The following RICTOR variants were observed in gnomAD, a reference collection of about 807,000 sequenced individuals.
The protein encoded by RICTOR is rapamycin-insensitive companion of mTOR.
A neutral mutation model predicts 214.9 loss-of-function variants in RICTOR; 49 were observed. The ratio of observed to expected loss-of-function variants is 0.23; its 90% CI spans 0.18 to 0.29. The LOEUF is 0.29. Ranked by LOEUF, RICTOR falls within the 10% of genes least tolerant of loss-of-function variation. The pLI, the probability that RICTOR is intolerant of heterozygous loss-of-function variation, is 1.00. For missense variants in RICTOR, 1,625 were observed against 2,047.0 expected (o/e 0.79, Z 3.98); for synonymous variants, 717 against 711.3 (o/e 1.01, Z -0.13).
intron 2 of RICTOR, among the ~76,000 whole-genome samples, chr5:39,024,920 GGT>G (rs1212816583): frequency 6.6e-6 from 1 of 152,052 alleles, no homozygotes; most frequent in Non-Finnish European, 1.5e-5. Flanking sequence ...ATTATGATCA[GGT>G]ACTGTTTTAA....
At chr5:39,048,161 A>G (rs1357924377) in intron 2 of RICTOR, among the ~76,000 whole-genome samples, 1 of 152,238 alleles carries the variant, frequency 6.6e-6, no homozygotes, top group Non-Finnish European at 1.5e-5. Context: ...TGAGCATGTC[A>G]TAAGTGCAAA....
At chr5:39,043,883 C>G (rs1254838871) in intron 2 of RICTOR, among the ~76,000 whole-genome samples, 1 of 152,200 alleles carries the variant, frequency 6.6e-6, no homozygotes, top group African/African-American at 2.4e-5. Context: ...CACCCTGGGA[C>G]TCTTCAATGA....
intron 14 of RICTOR, 199 bp downstream of exon 14, chr5:38,966,962 G>A (rs1236898308): frequency 3.2e-6 from 2 of 629,194 alleles, no homozygotes; most frequent in Non-Finnish European, 5.7e-6. Flanking sequence ...CATCATGCAT[G>A]GCTAATTTTT....
rs540099146 is a variant in RICTOR, at chr5:38,988,804, A to G, written c.583+2145T>C. On this transcript the variant is annotated intron_variant, in intron 7 of 37. Transcript: ENST00000357387. ...TAAAACACCTAGGAATCCAACTTAC[A>G]AGGGATGTGAAGGACCTCTTCAAGG... 3.3e-5 allele frequency among the ~76,000 whole-genome samples: 5 copies of G among 152,282 alleles called. No homozygotes were observed. The South Asian group carries it at 1.0e-3, about 32-fold the overall frequency.
chr5:38,960,310 A>G (rs1229128607), intron 20 of RICTOR, 88 bp downstream of exon 20: 3 of 1,316,144 alleles, frequency 2.3e-6, no homozygotes, highest in Non-Finnish European at 2.1e-6. Context: ...CAGAAATAAA[A>G]GCAAAACACA....
chr5:39,007,179 A>T (rs1181939037), intron 3 of RICTOR, among the ~76,000 whole-genome samples: 1 of 152,196 alleles, frequency 6.6e-6, no homozygotes, highest in African/African-American at 2.4e-5. Flanking sequence ...GGGCTACTAT[A>T]ACATATGTCA....
At chr5:38,992,428 T>C (rs1441204370) in intron 6 of RICTOR, among the ~76,000 whole-genome samples, 1 of 152,132 alleles carries the variant, frequency 6.6e-6, no homozygotes, top group Non-Finnish European at 1.5e-5. Flanking sequence ...GCATGTAATA[T>C]ATTCTGTAAA....
chr5:38,954,723 G>T lies in RICTOR; in HGVS notation c.2697+51C>A, dbSNP rs760283543. ...AATATTTTAGCAATGTTAAGATTTTGTTTTTTTTTTACTATTGTAGCTACT... is the reference window on the plus strand; with the variant it reads ...AATATTTTAGCAATGTTAAGATTTTTTTTTTTTTTTACTATTGTAGCTACT... On this transcript the variant is annotated intron_variant, in intron 27 of 37. Coordinates refer to ENST00000357387, the MANE Select transcript of RICTOR (RefSeq NM_152756.5). The T allele has an allele frequency of 7.8e-4, 764 of 983,464 alleles. 1 individual carries two copies. In the Middle Eastern group the frequency reaches 0.013, roughly 16 times the overall value. 60.9% of individuals were successfully genotyped at this position (983,464 alleles called of 1,614,324 possible).
At chr5:38,982,269 T>C (rs1338740774) in intron 7 of RICTOR, among the ~76,000 whole-genome samples, 1 of 152,200 alleles carries the variant, frequency 6.6e-6, no homozygotes, top group East Asian at 1.9e-4. Context: ...TTTGTCCATA[T>C]AATAACGGAA....
chr5:39,013,673 T>C (rs576208254), intron 3 of RICTOR, among the ~76,000 whole-genome samples: 4 of 152,116 alleles, frequency 2.6e-5, no homozygotes, highest in East Asian at 3.9e-4. Context: ...TAGAATTCCA[T>C]GGCACAGTCT....
intron 23 of RICTOR, 30 bp downstream of exon 23, chr5:38,958,637 A>C: frequency 4.5e-6 from 7 of 1,539,244 alleles, no homozygotes; most frequent in Non-Finnish European, 6.2e-6. Flanking sequence ...AAAAAATTTA[A>C]GTATTAAATT....
intron 2 of RICTOR, 104 bp downstream of exon 2, chr5:39,074,007 C>T: frequency 2.6e-6 from 2 of 779,568 alleles, no homozygotes; most frequent in Non-Finnish European, 3.4e-6. Context: ...CCCCCGCACC[C>T]CGCCGGTCCC....
At chr5:39,007,939 A>G (rs1754205265) in intron 3 of RICTOR, among the ~76,000 whole-genome samples, 1 of 151,162 alleles carries the variant, frequency 6.6e-6, no homozygotes, top group Admixed American at 6.6e-5. Context: ...AAAATGCACT[A>G]GGATCAAGAT....
intron 2 of RICTOR, among the ~76,000 whole-genome samples, chr5:39,056,607 A>G (rs527793029): frequency 1.3e-5 from 2 of 152,178 alleles, no homozygotes; most frequent in South Asian, 2.1e-4. Context: ...ACTGCCCTCC[A>G]GCCTGGATGA....
At chr5:39,002,230 AAG>A (rs1753693791) in intron 5 of RICTOR, among the ~76,000 whole-genome samples, 1 of 151,950 alleles carries the variant, frequency 6.6e-6, no homozygotes, top group Admixed American at 6.6e-5. Flanking sequence ...GAGAAGAAGA[AAG>A]AGTAATTACT....
rs752068658 is a variant in RICTOR, at chr5:38,981,944, C to A, written c.676G>T (p.Ala226Ser). 1.2e-6 allele frequency: 2 copies of A among 1,612,628 alleles called. No homozygotes were observed. Among genetic ancestry groups the A allele is most frequent in the African/African-American group, 2.7e-5 (2 of 74,890 alleles). ...IDCQLSRINE[A>S]LITTILHLLN... Reference sequence around the variant, plus strand: ...AGGTGCAAAATTGTAGTAATTAGGGCCTCATTTATTCGACTTAATTGGCAA... The same window carrying A: ...AGGTGCAAAATTGTAGTAATTAGGGACTCATTTATTCGACTTAATTGGCAA... The change falls in exon 8 of 38, where the codon GCC becomes TCC. Residue 226 changes from alanine to serine, a missense_variant. By Grantham distance (99) the Ala-to-Ser change is moderately conservative (BLOSUM62 1). Around this residue, in one of 5 missense-constraint regions of RICTOR, gnomAD observed 258 missense variants for 393.7 expected, o/e 0.66. Coordinates refer to ENST00000357387, the MANE Select transcript of RICTOR (RefSeq NM_152756.5).
At chr5:38,944,170 G>A (rs1320769069) in intron 36 of RICTOR, 6 of 514,836 alleles carry the variant, frequency 1.2e-5, no homozygotes, top group Non-Finnish European at 2.2e-5. Flanking sequence ...AAAAAAGTGA[G>A]AAGAGTGGCA....
intron 2 of RICTOR, among the ~76,000 whole-genome samples, chr5:39,026,218 CTGTA>C (rs1381292292): frequency 6.6e-6 from 1 of 152,178 alleles, no homozygotes; most frequent in East Asian, 1.9e-4. Context: ...TTGCTCACAC[CTGTA>C]GTCCCATCTA....
Position 39,074,106 on chromosome 5 carries a change from G to A in RICTOR, c.97+5C>T, listed in dbSNP as rs1759539310. On this transcript the variant is annotated splice_donor_5th_base_variant and intron_variant, in intron 2 of 37. Transcript: ENST00000357387. Reference sequence around the variant, plus strand: ...CCTCGCGGCGCCCGCGGCGCCCCGCGTTACCTCGGGTCAGATCCAGCGGGA... The same window carrying A: ...CCTCGCGGCGCCCGCGGCGCCCCGCATTACCTCGGGTCAGATCCAGCGGGA... The A allele has an allele frequency of 3.8e-6, 6 of 1,561,696 alleles. No homozygotes were observed. The East Asian group carries it at 1.6e-4, about 41-fold the overall frequency.
Sources: gnomAD v4.1 joint callset for allele counts (sites outside exome capture counted in the v4.1 genomes callset) on GRCh38, gnomAD v4.1.1 for gene constraint, gnomAD v4.1.1 regional missense constraint, MANE v1.5 for transcripts, NCBI Gene and HGNC (gene_info 2026-07-23, HGNC 2026-07-21) for gene names.